The following DNAJC5B variants were observed in gnomAD, a reference collection of about 807,000 sequenced individuals.
DNAJC5B encodes the protein DnaJ heat shock protein family (Hsp40) member C5 beta.
Under a neutral mutation model 24.7 loss-of-function variants are expected in DNAJC5B, and 23 were observed. The observed-to-expected ratio is 0.93, with a 90% CI of 0.67 to 1.32. The LOEUF (loss-of-function observed/expected upper bound fraction) is 1.32. Among genes scored for constraint, DNAJC5B ranks in the 40% most tolerant of loss-of-function variants. The pLI is 0.00. For missense variants in DNAJC5B, 238 were observed against 240.8 expected, an observed-to-expected ratio of 0.99 and a Z score of 0.08; for synonymous variants, 101 against 90.1, an observed-to-expected ratio of 1.12 and a Z score of -0.68.
chr8:66,059,874 G>C lies in DNAJC5B; in HGVS notation c.119+8208G>C, dbSNP rs551934120. 2.0e-5 allele frequency among the ~76,000 whole-genome samples: 3 copies of C among 152,322 alleles called. No homozygotes were observed. In the South Asian group the frequency reaches 6.2e-4, roughly 32 times the overall value. On this transcript the variant is annotated intron_variant, in intron 3 of 5. Transcript: ENST00000276570. ...GCCACTCAGCTGCATCACCCTGCCA[G>C]GCACGGTAGGCACAGAAGGTGCTCC...
intron 3 of DNAJC5B, among the ~76,000 whole-genome samples, chr8:66,059,294 TC>T (rs36001787): frequency 2.6e-5 from 4 of 152,232 alleles, no homozygotes; most frequent in African/African-American, 9.6e-5. Context: ...TTCTTAAGTC[TC>T]CCCTTATCAT....
At chr8:66,029,255 G>A (rs1428538118) in intron 1 of DNAJC5B, among the ~76,000 whole-genome samples, 5 of 152,220 alleles carry the variant, frequency 3.3e-5, no homozygotes, top group Non-Finnish European at 5.9e-5. Flanking sequence ...GGCAAAGGGA[G>A]TAGAAGAATG....
At chr8:66,020,007 T>C (rs1806068899), upstream of DNAJC5B, among the ~76,000 whole-genome samples, 1 of 152,256 alleles carries the variant, frequency 6.6e-6, no homozygotes, top group Admixed American at 6.5e-5. Context: ...ATTTATGACC[T>C]ACGGGAATAC....
At position 66,076,823 on chromosome 8, in the gene DNAJC5B, G is replaced by T; in HGVS notation, c.283G>T (p.Gly95Ter). The T allele has an allele frequency of 6.2e-7, 1 of 1,614,148 alleles. No individual in the cohort carries two copies. The highest frequency in any genetic ancestry group is 8.5e-7 in the Non-Finnish European group (1 of 1,180,018). ...GGGACTCTACGTGGCCGAGCAGTTT[G>T]GAGACGAAAACGTTAACACCTACTT... ...SLGLYVAEQF[G>*]DENVNTYFML... The change falls in exon 4 of 6, where the codon GGA (glycine) becomes TGA (stop). Residue 95 changes from glycine (G) to a stop codon, truncating the protein, a stop_gained. Coordinates refer to ENST00000276570, the MANE Select transcript of DNAJC5B (RefSeq NM_033105.6). LOFTEE classifies it high-confidence loss of function.
At chr8:66,066,280 G>A (rs568988911) in intron 3 of DNAJC5B, among the ~76,000 whole-genome samples, 2 of 152,260 alleles carry the variant, frequency 1.3e-5, no homozygotes, top group South Asian at 2.1e-4. Context: ...CATTACTGGT[G>A]GGAATGTAAA....
At chr8:66,074,247 A>G (rs2128963374) in intron 3 of DNAJC5B, among the ~76,000 whole-genome samples, 1 of 152,340 alleles carries the variant, frequency 6.6e-6, no homozygotes, top group Non-Finnish European at 1.5e-5. Flanking sequence ...CAGGTGACTC[A>G]GAGACTGGTA....
chr8:66,018,244 C>T (rs986979678), upstream of DNAJC5B, among the ~76,000 whole-genome samples: 5 of 152,130 alleles, frequency 3.3e-5, no homozygotes, highest in Admixed American at 2.0e-4. Flanking sequence ...CTCAGCCGGG[C>T]GCAGTGGCTC....
At chr8:66,081,725 C>T (rs1807599817) in intron 5 of DNAJC5B, among the ~76,000 whole-genome samples, 1 of 152,046 alleles carries the variant, frequency 6.6e-6, no homozygotes, top group Non-Finnish European at 1.5e-5. Context: ...GGCTTGGGAG[C>T]TTAGAGAGGA....
intron 5 of DNAJC5B, among the ~76,000 whole-genome samples, chr8:66,087,555 C>G (rs1184185824): frequency 6.6e-6 from 1 of 152,174 alleles, no homozygotes; most frequent in Non-Finnish European, 1.5e-5. Context: ...AAGGCACATC[C>G]CTTCTACCTA....
chr8:66,058,502 C>T (rs987571118), intron 3 of DNAJC5B, among the ~76,000 whole-genome samples: 1 of 152,222 alleles, frequency 6.6e-6, no homozygotes, highest in African/African-American at 2.4e-5. Context: ...ATCACAACTT[C>T]CCACTACCAC....
intron 3 of DNAJC5B, among the ~76,000 whole-genome samples, chr8:66,072,362 T>C (rs1323750986): frequency 6.6e-6 from 1 of 152,096 alleles, no homozygotes; most frequent in Non-Finnish European, 1.5e-5. Context: ...GATAAATCAA[T>C]AAAATGGCTA....
chr8:66,070,214 A>C (rs1293678838), intron 3 of DNAJC5B, among the ~76,000 whole-genome samples: 6 of 152,214 alleles, frequency 3.9e-5, no homozygotes, highest in Non-Finnish European at 8.8e-5. Context: ...GGCCAGGGCA[A>C]TCAGGCAAGA....
intron 2 of DNAJC5B, among the ~76,000 whole-genome samples, chr8:66,045,620 A>G (rs11987232): frequency 0.26 from 38,959 of 152,034 alleles, 11,072 homozygotes; most frequent in African/African-American, 0.71. Context: ...GGCCTGGGGC[A>G]GAGAAAGACA....
chr8:66,020,071 C>G (rs1806070851), upstream of DNAJC5B, among the ~76,000 whole-genome samples: 1 of 152,188 alleles, frequency 6.6e-6, no homozygotes, highest in Admixed American at 6.5e-5. Flanking sequence ...CAAGTGTGTT[C>G]TGGGACCAAA....
intron 5 of DNAJC5B, among the ~76,000 whole-genome samples, chr8:66,082,765 A>G (rs1807624713): frequency 6.6e-6 from 1 of 152,168 alleles, no homozygotes; most frequent in African/African-American, 2.4e-5. Flanking sequence ...AAAGAACACA[A>G]AATTGATCTG....
chr8:66,082,153 T>G (rs1195351514), intron 5 of DNAJC5B, among the ~76,000 whole-genome samples: 1 of 151,958 alleles, frequency 6.6e-6, no homozygotes, highest in Non-Finnish European at 1.5e-5. Context: ...CCATAGGATC[T>G]CCCATAACAT....
intron 1 of DNAJC5B, among the ~76,000 whole-genome samples, chr8:66,032,948 G>A (rs956575018): frequency 6.6e-6 from 1 of 152,188 alleles, no homozygotes; most frequent in Non-Finnish European, 1.5e-5. Flanking sequence ...CCTTCATCGT[G>A]ACAACATAAG....
At chr8:66,054,779 C>A (rs1806927318) in intron 3 of DNAJC5B, among the ~76,000 whole-genome samples, 1 of 152,172 alleles carries the variant, frequency 6.6e-6, no homozygotes, top group Admixed American at 6.5e-5. Flanking sequence ...CTAGACCTAT[C>A]CAGAGGCGCG....
In DNAJC5B at chr8:66,051,601, A is replaced by C. The variant is rs1420010868; in HGVS notation, c.54A>C (p.Glu18Asp). 1 of 1,614,168 alleles carries C rather than the reference A, an allele frequency of 6.2e-7. No homozygotes were observed. Among genetic ancestry groups the C allele is most frequent in the African/African-American group, 1.3e-5 (1 of 75,066 alleles). The change falls in exon 3 of 6, where the codon GAA (glutamate) becomes GAC (aspartate). Residue 18 changes from glutamate to aspartate, a missense_variant. By Grantham distance (45) the Glu-to-Asp change is conservative. Coordinates refer to ENST00000276570, the MANE Select transcript of DNAJC5B (RefSeq NM_033105.6). ...QRQRTLSTTG[E>D]ALYEILGLHK... ...AGCGGACTCTGTCAACAACAGGAGA[A>C]GCTCTATACGAAATTCTTGGTCTGC... is the stretch of plus-strand genomic sequence containing the variant.
Sources: gnomAD v4.1 joint callset for allele counts (sites outside exome capture counted in the v4.1 genomes callset) on GRCh38, gnomAD v4.1.1 for gene constraint, MANE v1.5 for transcripts, NCBI Gene and HGNC (gene_info 2026-07-23, HGNC 2026-07-21) for gene names.